The following CHD8 variants were observed in gnomAD, a reference collection of about 807,000 sequenced individuals.
The protein encoded by CHD8 is ATP-dependent chromatin remodeler CHD8.
A neutral mutation model predicts 279.2 loss-of-function variants in CHD8; 31 were observed. That is an observed-to-expected ratio of 0.11 (90% CI 0.08 to 0.15). The LOEUF (loss-of-function observed/expected upper bound fraction) is 0.15. Ranked by LOEUF, CHD8 falls within the 10% of genes least tolerant of loss-of-function variation. The pLI is 1.00. For missense variants in CHD8, 2,146 were observed against 3,230.5 expected, an observed-to-expected ratio of 0.66 and a Z score of 8.14; for synonymous variants, 1,081 against 1,139.6, an observed-to-expected ratio of 0.95 and a Z score of 1.04.
chr14:21,407,492 T>A (rs946685054), intron 13 of CHD8, among the ~76,000 whole-genome samples: 2 of 152,162 alleles, frequency 1.3e-5, no homozygotes, highest in Non-Finnish European at 2.9e-5. Flanking sequence ...GATGAAAAGA[T>A]GTGATTTGGT....
intron 27 of CHD8, 25 bp downstream of exon 27, chr14:21,397,798 T>C (rs1887854161): frequency 6.2e-7 from 1 of 1,608,940 alleles, no homozygotes; most frequent in Non-Finnish European, 8.5e-7. Context: ...GTTAGAGTTT[T>C]AAAAGAACAA....
Position 21,408,643 on chromosome 14 carries a change from A to G in CHD8, c.2486+61T>C, listed in dbSNP as rs1888353132. The G allele has an allele frequency of 6.4e-7, 1 of 1,569,972 alleles. No homozygotes were observed. The highest frequency in any genetic ancestry group is 1.9e-5 in the Admixed American group (1 of 52,074). On this transcript the variant is annotated intron_variant, in intron 12 of 37. Transcript: ENST00000646647. The surrounding 1 kb of genome is among the most constrained non-coding windows in gnomAD (Gnocchi z 4.3). ...ATGTAGGAAGAAATTGTTTCAATAGAAAACAAATAAAAATAATCCCAGAAC... is the reference window on the plus strand; with the variant it reads ...ATGTAGGAAGAAATTGTTTCAATAGGAAACAAATAAAAATAATCCCAGAAC...
In CHD8 at chr14:21,446,148, C is replaced by T. The variant is rs542798224; in HGVS notation, c.-216+9884G>A. Among the ~76,000 whole-genome samples the T allele has an allele frequency of 3.9e-4, 59 of 151,128 alleles. 2 individuals carry two copies. The highest frequency in any genetic ancestry group is 1.3e-4 in the Non-Finnish European group (9 of 67,696). On this transcript the variant is annotated intron_variant, in intron 1 of 37. Coordinates refer to ENST00000646647, the MANE Select transcript of CHD8 (RefSeq NM_001170629.2). ...CAGAGGTTGCAGTGAGACAAGATCG[C>T]GCCACTGCACTCCAGACTGGGTAAC...
chr14:21,409,565 C>G (rs1051748728), intron 11 of CHD8, among the ~76,000 whole-genome samples: 1 of 152,100 alleles, frequency 6.6e-6, no homozygotes, highest in African/African-American at 2.4e-5. Context: ...GGTATTATTT[C>G]TTTTAGGCAA....
In CHD8 at chr14:21,426,123, T is replaced by C. The variant is rs747732880; in HGVS notation, c.1716+5A>G. 2.6e-6 allele frequency: 4 copies of C among 1,558,980 alleles called. No individual in the cohort carries two copies. The East Asian group carries it at 9.0e-5, about 35-fold the overall frequency. ...TTCTACTAAATTCTTTTGGGATCCT[T>C]TTACCTGAATGCTGCTTTCTTCATC... On this transcript the variant is annotated splice_donor_5th_base_variant and intron_variant, in intron 5 of 37. Coordinates refer to ENST00000646647, the MANE Select transcript of CHD8 (RefSeq NM_001170629.2).
chr14:21,404,351 T>C (rs1888168319), intron 16 of CHD8, among the ~76,000 whole-genome samples: 1 of 148,542 alleles, frequency 6.7e-6, no homozygotes, highest in African/African-American at 2.5e-5. Flanking sequence ...TGAGCCGAGA[T>C]TGCACCACTG....
intron 26 of CHD8, 44 bp downstream of exon 26, chr14:21,399,558 T>G: frequency 1.4e-6 from 2 of 1,379,834 alleles, no homozygotes; most frequent in East Asian, 4.6e-5. Context: ...TCCGTGAACA[T>G]AAATCTTCAG....
chr14:21,436,951 G>A, intron 1 of CHD8: 1 of 1,288,008 alleles, frequency 7.8e-7, no homozygotes, highest in South Asian at 1.2e-5. Context: ...AGCAGAGGCG[G>A]AAGATTTCTG....
At chr14:21,398,558 C>T (rs1212784245) in intron 26 of CHD8, 13 of 152,180 alleles carry the variant, frequency 8.5e-5, no homozygotes, top group Admixed American at 8.5e-4. Flanking sequence ...TCCCATTAAA[C>T]GTCTCAAAAA....
At chr14:21,434,770 T>C (rs943115822) in intron 1 of CHD8, among the ~76,000 whole-genome samples, 16 of 152,160 alleles carry the variant, frequency 1.1e-4, no homozygotes, top group African/African-American at 3.6e-4. Flanking sequence ...TCTTTTCTAG[T>C]TCCTATCTTT....
intron 1 of CHD8, among the ~76,000 whole-genome samples, chr14:21,433,449 C>G (rs1281637199): frequency 6.6e-6 from 1 of 152,166 alleles, no homozygotes; most frequent in Non-Finnish European, 1.5e-5. Context: ...GAAAGTCTTG[C>G]TTGGTAAGAC....
In CHD8 at chr14:21,403,865, G is replaced by A. The variant is rs896532322; in HGVS notation, c.3308-202C>T. On this transcript the variant is annotated intron_variant, in intron 16 of 37. Transcript: ENST00000646647. This position sits in a 1 kb window ranked among gnomAD's most constrained non-coding sequence, Gnocchi z 4.3. ...TGTAATCCCAACACTTTGGGAGGCCGAGGCAGGTGGATCACTTGAGGTCAG... is the reference window on the plus strand; with the variant it reads ...TGTAATCCCAACACTTTGGGAGGCCAAGGCAGGTGGATCACTTGAGGTCAG... 3.3e-5 allele frequency among the ~76,000 whole-genome samples: 5 copies of A among 152,288 alleles called. No homozygotes were observed. In the East Asian group the frequency reaches 5.8e-4, roughly 18 times the overall value.
rs1887652173 is a variant in CHD8 at position 21,393,801 on chromosome 14, G to A, written c.5994C>T (p.Pro1998=). Residue 1998 remains proline (P), a synonymous_variant, in exon 32 of 38, where the codon CCC becomes CCT. Coordinates refer to ENST00000646647, the MANE Select transcript of CHD8 (RefSeq NM_001170629.2). ...QYTSRTASPL[P]LRPDAPVEKS... Reference sequence around the variant, plus strand: ...TTTCAACAGGAGCATCTGGGCGCAGGGGCAGTGGTGAGGCAGTGCGTGAGG... The same window carrying A: ...TTTCAACAGGAGCATCTGGGCGCAGAGGCAGTGGTGAGGCAGTGCGTGAGG... The A allele has an allele frequency of 2.5e-6, 4 of 1,613,962 alleles. No homozygotes were observed. The highest frequency in any genetic ancestry group is 3.4e-6 in the Non-Finnish European group (4 of 1,179,884).
At position 21,418,792 on chromosome 14, in the gene CHD8, G is replaced by C. The variant is rs188366058; in HGVS notation, c.1717-2885C>G. On this transcript the variant is annotated intron_variant, in intron 5 of 37. Transcript: ENST00000646647. ...GATCGCGCCACTGCACTCCAGTCCA[G>C]CCTGGGCGACACAGGGAGACTCCGT... Among the ~76,000 whole-genome samples, 5 of 152,382 alleles carry C rather than the reference G, an allele frequency of 3.3e-5. No individual in the cohort carries two copies. In the East Asian group the frequency reaches 9.6e-4, roughly 29 times the overall value.
Position 21,406,783 on chromosome 14 carries a change from G to A in CHD8, c.2907+73C>T, listed in dbSNP as rs924161063. On this transcript the variant is annotated intron_variant, in intron 14 of 37. Coordinates refer to ENST00000646647, the MANE Select transcript of CHD8 (RefSeq NM_001170629.2). ...CAGACTTTTCTTCTCTGCTAAACTA[G>A]GGTTATTTTAATACCGCAAGGAATT... is the stretch of plus-strand genomic sequence containing the variant. The A allele has an allele frequency of 9.8e-6, 13 of 1,332,132 alleles. No individual in the cohort carries two copies. In the South Asian group the frequency reaches 1.7e-4, roughly 18 times the overall value. 82.5% of individuals were successfully genotyped at this position (1,332,132 alleles called of 1,614,324 possible). A position where few individuals can be genotyped will look rare whatever the true frequency, so the allele number is the denominator to read the frequency against.
chr14:21,447,519 G>A (rs891305198), intron 1 of CHD8, among the ~76,000 whole-genome samples: 9 of 151,892 alleles, frequency 5.9e-5, no homozygotes, highest in Non-Finnish European at 8.8e-5. Context: ...GTACAGGCAC[G>A]CACCACCACG....
rs1490907676 is a variant in CHD8 at position 21,430,872 on chromosome 14, G to C, written c.772C>G (p.Pro258Ala). The change falls in exon 2 of 38, where the codon CCT becomes GCT. Residue 258 changes from proline (P) to alanine (A), a missense_variant. Physicochemically the swap from Pro to Ala is conservative, Grantham distance 27. Coordinates refer to ENST00000646647, the MANE Select transcript of CHD8 (RefSeq NM_001170629.2). The part of the protein sequence containing the change: ...LVLQPVKGSA[P>A]AGNPGATGPP... ...CCTGTGGCCCCAGGGTTTCCAGCAG[G>C]AGCTGAACCCTTAACTGGCTGGAGG... 1 of 1,599,430 alleles carries C rather than the reference G, an allele frequency of 6.3e-7. No homozygotes were observed. Among genetic ancestry groups the C allele is most frequent in the South Asian group, 1.1e-5 (1 of 91,048 alleles).
At chr14:21,455,909 T>TCG in intron 1 of CHD8, 123 bp downstream of exon 1, 1 of 153,458 alleles carries the variant, frequency 6.5e-6, no homozygotes, top group Admixed American at 6.5e-5. Context: ...CCCTCACAAC[T>TCG]GGGGGGCGAG....
chr14:21,385,611 C>T lies in CHD8; in HGVS notation c.*2G>A. The T allele has an allele frequency of 6.5e-7, 1 of 1,549,780 alleles. No individual in the cohort carries two copies. Among genetic ancestry groups the T allele is most frequent in the African/African-American group, 1.4e-5 (1 of 73,072 alleles). Reference sequence around the variant, plus strand: ...CCAAGCAATGGGGCCCATGCTGGGGCTTCAGTCATCAGCATCTTCACTGGA... The same window carrying T: ...CCAAGCAATGGGGCCCATGCTGGGGTTTCAGTCATCAGCATCTTCACTGGA... On this transcript the variant is annotated 3_prime_UTR_variant, in exon 38 of 38. Coordinates refer to ENST00000646647, the MANE Select transcript of CHD8 (RefSeq NM_001170629.2).
Sources: allele counts gnomAD v4.1 joint callset (sites outside exome capture counted in the v4.1 genomes callset), GRCh38; gene constraint gnomAD v4.1.1; non-coding constraint Gnocchi (gnomAD v3.1); transcripts MANE v1.5; gene names NCBI Gene and HGNC (gene_info 2026-07-23, HGNC 2026-07-21).